ANKS1B: variants seen among roughly 807,000 people sequenced by gnomAD.
The protein encoded by ANKS1B is ankyrin repeat and sterile alpha motif domain containing 1B.
Under a neutral mutation model 148.3 loss-of-function variants are expected in ANKS1B, and 36 were observed. The observed-to-expected ratio is 0.24, with a 90% CI of 0.19 to 0.32. The LOEUF is 0.32. ANKS1B is among the 10% of genes least tolerant of loss of function. ANKS1B has a pLI of 1.00. For synonymous variants in ANKS1B, 542 were observed against 560.8 expected (o/e 0.97, Z 0.47); for missense variants, 1,157 against 1,542.6 (o/e 0.75, Z 4.19).
intron 17 of ANKS1B, among the ~76,000 whole-genome samples, chr12:98,938,123 C>CT (rs1382096396): frequency 2.0e-5 from 3 of 152,134 alleles, no homozygotes; most frequent in Non-Finnish European, 4.4e-5. Flanking sequence ...CTTCTTAAAT[C>CT]TTTTTTGTTT....
At chr12:99,090,979 A>T (rs1599770964) in intron 15 of ANKS1B, among the ~76,000 whole-genome samples, 1 of 152,188 alleles carries the variant, frequency 6.6e-6, no homozygotes, top group African/African-American at 2.4e-5. Context: ...ACACTAAAAA[A>T]TCCCTCTACC....
intron 9 of ANKS1B, among the ~76,000 whole-genome samples, chr12:99,560,516 T>C (rs73381510): frequency 0.013 from 1,907 of 152,254 alleles, 38 homozygotes; most frequent in African/African-American, 0.044. Flanking sequence ...ACCTTGGAGA[T>C]TGTGATTTTG....
In ANKS1B at chr12:99,015,275, C is replaced by T. The variant is rs534054105; in HGVS notation, c.2778+37882G>A. Among the ~76,000 whole-genome samples the T allele has an allele frequency of 3.9e-5, 6 of 152,204 alleles. No individual in the cohort carries two copies. The South Asian group carries it at 6.2e-4, about 16-fold the overall frequency. On this transcript the variant is annotated intron_variant, in intron 17 of 26. Transcript: ENST00000683438. Reference sequence around the variant, plus strand: ...TATCATTAGAAAACTAACACAGGAACGGAAAAGCAAATACCTCATGTTCTC... The same window carrying T: ...TATCATTAGAAAACTAACACAGGAATGGAAAAGCAAATACCTCATGTTCTC...
intron 8 of ANKS1B, among the ~76,000 whole-genome samples, chr12:99,661,330 G>C (rs1420448149): frequency 6.6e-6 from 1 of 152,174 alleles, no homozygotes; most frequent in African/African-American, 2.4e-5. Context: ...TATGTCTTTA[G>C]ATGAATGCAC....
chr12:99,224,894 A>AT (rs2085662855), intron 14 of ANKS1B, among the ~76,000 whole-genome samples: 3 of 152,200 alleles, frequency 2.0e-5, no homozygotes, highest in African/African-American at 7.2e-5. Context: ...CATTACTGTT[A>AT]CATAAAAATT....
intron 8 of ANKS1B, among the ~76,000 whole-genome samples, chr12:99,757,945 G>A (rs531076225): frequency 1.3e-5 from 2 of 152,058 alleles, no homozygotes; most frequent in South Asian, 4.1e-4. Context: ...GAAGGGTTGT[G>A]GGTGGGAGAA....
chr12:98,757,742 C>G (rs999630678), intron 25 of ANKS1B, among the ~76,000 whole-genome samples: 3 of 152,238 alleles, frequency 2.0e-5, no homozygotes, highest in Non-Finnish European at 4.4e-5. Flanking sequence ...TACCTCACGT[C>G]TCTCGAATGC....
intron 12 of ANKS1B, among the ~76,000 whole-genome samples, chr12:99,316,386 A>G (rs2084098765): frequency 6.6e-6 from 1 of 151,938 alleles, no homozygotes; most frequent in Admixed American, 6.6e-5. Context: ...GATGGTATCT[A>G]GTTGTGGTTT....
chr12:99,159,764 T>C lies in ANKS1B; in HGVS notation c.2420-5369A>G, dbSNP rs141143139. ...TAGACCCAGTAATGGGACTGCTGGG[T>C]CAAATGGTAGTTTGTTTTAAGTTCT... On this transcript the variant is annotated intron_variant, in intron 14 of 26. Transcript: ENST00000683438. 2.0e-5 allele frequency among the ~76,000 whole-genome samples: 3 copies of C among 152,280 alleles called. No homozygotes were observed. The East Asian group carries it at 5.8e-4, about 29-fold the overall frequency.
At chr12:99,344,760 A>G (rs2152347321) in intron 12 of ANKS1B, 1 of 152,110 alleles carries the variant, frequency 6.6e-6, no homozygotes, top group South Asian at 2.1e-4. Context: ...TGTATTTCAA[A>G]TGTATTAATA....
At chr12:99,170,198 G>A (rs1481473161) in intron 14 of ANKS1B, among the ~76,000 whole-genome samples, 1 of 152,178 alleles carries the variant, frequency 6.6e-6, no homozygotes, top group African/African-American at 2.4e-5. Context: ...CTTCAGTGCT[G>A]TTTCCACATG....
chr12:99,400,800 AT>A (rs2152585936), intron 11 of ANKS1B, among the ~76,000 whole-genome samples: 1 of 145,556 alleles, frequency 6.9e-6, no homozygotes, highest in South Asian at 2.1e-4. Flanking sequence ...CCAAAGTACA[AT>A]TAACTTTTGG....
At chr12:99,810,630 T>C (rs919799958) in intron 3 of ANKS1B, among the ~76,000 whole-genome samples, 1 of 152,002 alleles carries the variant, frequency 6.6e-6, no homozygotes, top group Non-Finnish European at 1.5e-5. Flanking sequence ...ACTTTGAATA[T>C]GGTCTCCTTA....
At chr12:99,012,526 G>C (rs1395770680) in intron 17 of ANKS1B, among the ~76,000 whole-genome samples, 2 of 152,098 alleles carry the variant, frequency 1.3e-5, no homozygotes, top group Non-Finnish European at 2.9e-5. Context: ...TCCTCCAAAA[G>C]ACAAAATTCT....
intron 17 of ANKS1B, among the ~76,000 whole-genome samples, chr12:98,928,812 A>G (rs1008797270): frequency 4.6e-5 from 7 of 152,064 alleles, no homozygotes; most frequent in African/African-American, 1.4e-4. Flanking sequence ...AAGCCCAGCC[A>G]TATATAGAAC....
chr12:99,459,567 G>C (rs1362688413), intron 10 of ANKS1B, among the ~76,000 whole-genome samples: 1 of 151,748 alleles, frequency 6.6e-6, no homozygotes. Context: ...AAAGTTTCAG[G>C]ATACAAAATT....
intron 8 of ANKS1B, among the ~76,000 whole-genome samples, chr12:99,670,760 A>G (rs2098534104): frequency 6.6e-6 from 1 of 152,180 alleles, no homozygotes; most frequent in Non-Finnish European, 1.5e-5. Flanking sequence ...TTTGAGCAAA[A>G]GCACCTCATG....
chr12:99,825,237 T>C (rs2083038579), intron 2 of ANKS1B, 72 bp downstream of exon 2: 1 of 1,278,456 alleles, frequency 7.8e-7, no homozygotes, highest in African/African-American at 1.5e-5. Context: ...GAGAAAGGTA[T>C]CGTCAAGACA....
rs71081896 is a variant in ANKS1B at position 99,098,619 on chromosome 12, C to CTTTTTTT, written c.2527-13603_2527-13597dup. Among the ~76,000 whole-genome samples, 127 of 32,118 alleles carry CTTTTTTT rather than the reference C, an allele frequency of 4.0e-3. 27 individuals carry two copies. The highest frequency in any genetic ancestry group is 7.5e-3 in the African/African-American group (71 of 9,460). 21.1% of individuals were successfully genotyped at this position (32,118 alleles called of 152,430 possible). A position where few individuals can be genotyped will look rare whatever the true frequency, so the allele number is the denominator to read the frequency against. On this transcript the variant is annotated intron_variant, in intron 15 of 26. Transcript: ENST00000683438. ...AATAAAGCATGCCTGCTAGGAACTA[C>CTTTTTTT]TTTTTTTTTTTTTTTTTTTTTTTTT...
Sources: gnomAD v4.1 joint callset for allele counts (sites outside exome capture counted in the v4.1 genomes callset) on GRCh38, gnomAD v4.1.1 for gene constraint, MANE v1.5 for transcripts, NCBI Gene and HGNC (gene_info 2026-07-23, HGNC 2026-07-21) for gene names.